TMEM121: variants seen among roughly 807,000 people sequenced by gnomAD.
The protein encoded by TMEM121 is transmembrane protein 121A.
Under a neutral mutation model 16.4 loss-of-function variants are expected in TMEM121, and 8 were observed. The observed-to-expected ratio is 0.49, with a 90% confidence interval of 0.29 to 0.88. TMEM121 has a LOEUF of 0.88. Among genes scored for constraint, TMEM121 ranks in the 40% least tolerant of loss-of-function variants. The pLI is 0.09. For synonymous variants in TMEM121, 235 were observed against 226.2 expected (o/e 1.04, Z -0.35); for missense variants, 401 against 462.0 (o/e 0.87, Z 1.21).
chr14:105,528,728 A>AG lies in TMEM121; in HGVS notation c.-106dup. ...TCTCCTCCGGTCTCCCCAGGTTTCG[A>AG]GCTCGCCGGGCCGTGTCGCGCCATG... On this transcript the variant is annotated 5_prime_UTR_variant, in exon 2 of 2. Coordinates refer to ENST00000392519, the MANE Select transcript of TMEM121 (RefSeq NM_025268.4). 9.1e-7 allele frequency: 1 copy of AG among 1,094,154 alleles called. No homozygotes were observed. The allele number at this position is 1,094,154 out of a possible 1,614,324, so 67.8% of individuals were successfully genotyped here.
In TMEM121 at chr14:105,529,539, C is replaced by T; in HGVS notation, c.705C>T (p.Ala235=). 7.1e-6 allele frequency: 11 copies of T among 1,543,198 alleles called. No homozygotes were observed. Among genetic ancestry groups the T allele is most frequent in the Non-Finnish European group, 8.7e-6 (10 of 1,147,184 alleles). The stretch of plus-strand genomic sequence containing the variant: ...TGGTGGCCGTGCTGGCGCGCGCCGC[C>T]AACATGGCGCTGTTCCGGGACAGCC... ...VNVVAVLARA[A]NMALFRDSRV... is the part of the protein sequence containing the mutation. The change falls in exon 2 of 2, where the codon GCC becomes GCT. Residue 235 remains alanine, a synonymous_variant. Coordinates refer to ENST00000392519, the MANE Select transcript of TMEM121 (RefSeq NM_025268.4).
In TMEM121 at chr14:105,529,095, G is replaced by A. The variant is rs2084614780; in HGVS notation, c.261G>A (p.Glu87=). 6.2e-7 allele frequency: 1 copy of A among 1,611,710 alleles called. No individual in the cohort carries two copies. Among genetic ancestry groups the A allele is most frequent in the East Asian group, 2.2e-5 (1 of 44,870 alleles). ...GGTTCCTTTACATCTTCGTGCTGGAGATCAAGCTCTACTTCATCTTCCAGA... is the reference window on the plus strand; with the variant it reads ...GGTTCCTTTACATCTTCGTGCTGGAAATCAAGCTCTACTTCATCTTCCAGA... The part of the protein sequence containing the change: ...ILWFLYIFVL[E]IKLYFIFQNY... The change falls in exon 2 of 2, where the codon GAG becomes GAA. Residue 87 remains glutamate (E), a synonymous_variant. Coordinates refer to ENST00000392519, the MANE Select transcript of TMEM121 (RefSeq NM_025268.4).
rs587649074 is a variant in TMEM121 at position 105,528,642 on chromosome 14, C to T, written c.-113-80C>T. 71 of 383,274 alleles carry T rather than the reference C, an allele frequency of 1.9e-4. No homozygotes were observed. The South Asian group carries it at 2.6e-3, about 14-fold the overall frequency. 23.7% of individuals were successfully genotyped at this position (383,274 alleles called of 1,614,324 possible). ...CGGAGACCGCGCCTGGTGGGAAGCACGCGGGGTGCGGGGGGCGGGGGGTGT... is the reference window on the plus strand; with the variant it reads ...CGGAGACCGCGCCTGGTGGGAAGCATGCGGGGTGCGGGGGGCGGGGGGTGT... On this transcript the variant is annotated intron_variant, in intron 1 of 1. Coordinates refer to ENST00000392519, the MANE Select transcript of TMEM121 (RefSeq NM_025268.4).
Position 105,529,819 on chromosome 14 carries a change from GC to G in TMEM121, c.*29del. Reference sequence around the variant, plus strand: ...ACAGGGCCCGCGCGGCCCCCGACACGCCCCTGGGGCGCAGAGACACCGGGTT... The same window carrying G: ...ACAGGGCCCGCGCGGCCCCCGACACGCCCTGGGGCGCAGAGACACCGGGTT... On this transcript the variant is annotated 3_prime_UTR_variant, in exon 2 of 2. Coordinates refer to ENST00000392519, the MANE Select transcript of TMEM121 (RefSeq NM_025268.4). The G allele has an allele frequency of 7.2e-7, 1 of 1,388,216 alleles. No individual in the cohort carries two copies. The highest frequency in any genetic ancestry group is 9.2e-7 in the Non-Finnish European group (1 of 1,081,306). 86.0% of individuals were successfully genotyped at this position (1,388,216 alleles called of 1,614,324 possible).
chr14:105,528,932 A>C lies in TMEM121; in HGVS notation c.98A>C (p.Asn33Thr). The C allele has an allele frequency of 6.3e-7, 1 of 1,597,952 alleles. No individual in the cohort carries two copies. The highest frequency in any genetic ancestry group is 8.5e-7 in the Non-Finnish European group (1 of 1,172,780). Reference protein sequence around the residue: ...AVMDAYLVEQNQGPRKIGVCI... With the variant: ...AVMDAYLVEQTQGPRKIGVCI... The stretch of plus-strand genomic sequence containing the variant: ...ATGGACGCGTACCTGGTGGAGCAGA[A>C]CCAGGGCCCGCGCAAGATCGGCGTG... Residue 33 changes from asparagine to threonine, a missense_variant, in exon 2 of 2, where the codon AAC becomes ACC. Physicochemically the swap from Asn to Thr is moderately conservative, Grantham distance 65. Coordinates refer to ENST00000392519, the MANE Select transcript of TMEM121 (RefSeq NM_025268.4).
chr14:105,529,201 G>T lies in TMEM121; in HGVS notation c.367G>T (p.Gly123Cys). Residue 123 changes from glycine to cysteine, a missense_variant, in exon 2 of 2, where the codon GGC becomes TGC. By Grantham distance (159) the Gly-to-Cys change is radical. Coordinates refer to ENST00000392519, the MANE Select transcript of TMEM121 (RefSeq NM_025268.4). ...LTLLLSVCVP[G>C]LFLLLVALDR... ...GCTGCTGCTGTCTGTGTGTGTGCCC[G>T]GCCTGTTCCTGCTGCTCGTGGCGCT... 6.3e-7 allele frequency: 1 copy of T among 1,582,280 alleles called. No individual in the cohort carries two copies.
At position 105,529,748 on chromosome 14, in the gene TMEM121, G is replaced by T; in HGVS notation, c.914G>T (p.Gly305Val). 6.6e-7 allele frequency: 1 copy of T among 1,505,440 alleles called. No homozygotes were observed. 93.3% of individuals were successfully genotyped at this position (1,505,440 alleles called of 1,614,324 possible). Residue 305 changes from glycine to valine, a missense_variant, in exon 2 of 2, where the codon GGG becomes GTG. Physicochemically the swap from Gly to Val is moderately radical, Grantham distance 109. Coordinates refer to ENST00000392519, the MANE Select transcript of TMEM121 (RefSeq NM_025268.4). ...PPPPPLHGPP[G>V]RPHMSSPTRD... is the part of the protein sequence containing the mutation. ...CCGCCGCCGCTGCACGGCCCGCCTG[G>T]GCGCCCCCACATGTCCTCGCCCACG...
rs1375859559 is a variant in TMEM121 at position 105,529,743 on chromosome 14, G to A, written c.909G>A (p.Pro303=). The change falls in exon 2 of 2, where the codon CCG becomes CCA. Residue 303 remains proline, a synonymous_variant. Transcript: ENST00000392519. ...VPPPPPPLHG[P]PGRPHMSSPT... ...CGCCGCCGCCGCCGCTGCACGGCCCGCCTGGGCGCCCCCACATGTCCTCGC... is the reference window on the plus strand; with the variant it reads ...CGCCGCCGCCGCCGCTGCACGGCCCACCTGGGCGCCCCCACATGTCCTCGC... 1.3e-6 allele frequency: 2 copies of A among 1,506,530 alleles called. No homozygotes were observed. The highest frequency in any genetic ancestry group is 1.4e-5 in the African/African-American group (1 of 71,090). The allele number at this position is 1,506,530 out of a possible 1,614,324, so 93.3% of individuals were successfully genotyped here.
intron 1 of TMEM121, among the ~76,000 whole-genome samples, chr14:105,528,250 G>C (rs2141831957): frequency 6.6e-6 from 1 of 151,896 alleles, no homozygotes; most frequent in Non-Finnish European, 1.5e-5. Context: ...AGCCTGGGAG[G>C]GCCGAGGCCT....
Position 105,529,794 on chromosome 14 carries a change from A to C in TMEM121, c.960A>C (p.Ter320CysextTer34). The stretch of plus-strand genomic sequence containing the variant: ...CCACGCGTGACCCCCTGGACACGTG[A>C]CAGGGCCCGCGCGGCCCCCGACACG... ...SSPTRDPLDT[*>C] The change falls in exon 2 of 2, where the codon TGA becomes TGC. Residue 320 changes from the stop codon to cysteine (C), a stop_lost. Coordinates refer to ENST00000392519, the MANE Select transcript of TMEM121 (RefSeq NM_025268.4). 1 of 1,424,768 alleles carries C rather than the reference A, an allele frequency of 7.0e-7. No homozygotes were observed. Among genetic ancestry groups the C allele is most frequent in the Non-Finnish European group, 9.1e-7 (1 of 1,101,740 alleles). 88.3% of individuals were successfully genotyped at this position (1,424,768 alleles called of 1,614,324 possible).
At chr14:105,527,953 C>A (rs1241751724) in intron 1 of TMEM121, among the ~76,000 whole-genome samples, 1 of 149,264 alleles carries the variant, frequency 6.7e-6, no homozygotes, top group East Asian at 1.9e-4. Flanking sequence ...GACGGGCTTC[C>A]CGAGATTCGA....
rs1361678771 is a variant in TMEM121, at chr14:105,529,879, G to C, written c.*85G>C. On this transcript the variant is annotated 3_prime_UTR_variant, in exon 2 of 2. Coordinates refer to ENST00000392519, the MANE Select transcript of TMEM121 (RefSeq NM_025268.4). ...GCGCGCGGTTTGCATGGGATGGGGT[G>C]GGGGCGGGCTCCCCTAGGGACAGGT... The C allele has an allele frequency of 2.6e-5, 34 of 1,286,294 alleles. No individual in the cohort carries two copies. Among genetic ancestry groups the C allele is most frequent in the Non-Finnish European group, 3.2e-5 (32 of 992,220 alleles). 79.7% of individuals were successfully genotyped at this position (1,286,294 alleles called of 1,614,324 possible).
At position 105,529,305 on chromosome 14, in the gene TMEM121, G is replaced by T; in HGVS notation, c.471G>T (p.Leu157=). 6.5e-7 allele frequency: 1 copy of T among 1,538,644 alleles called. No individual in the cohort carries two copies. The highest frequency in any genetic ancestry group is 8.7e-7 in the Non-Finnish European group (1 of 1,146,666). ...GCCTGTTTTGGGTGGCGCTGGACCT[G>T]CTGGACCTGCTGGACATGCAGGCCA... ...RGRLFWVALD[L]LDLLDMQASL... Residue 157 remains leucine (L), a synonymous_variant, in exon 2 of 2, where the codon CTG becomes CTT. Transcript: ENST00000392519.
At position 105,529,672 on chromosome 14, in the gene TMEM121, T is replaced by A. The variant is rs1555444331; in HGVS notation, c.838T>A (p.Ser280Thr). ...QVRDFPPPALSLELQPPPPQR... is the reference protein window; with the variant it reads ...QVRDFPPPALTLELQPPPPQR... ...GCGCGACTTCCCGCCGCCTGCGCTATCACTGGAGCTGCAGCCGCCACCCCC... is the reference window on the plus strand; with the variant it reads ...GCGCGACTTCCCGCCGCCTGCGCTAACACTGGAGCTGCAGCCGCCACCCCC... Residue 280 changes from serine (S) to threonine (T), a missense_variant, in exon 2 of 2, where the codon TCA (serine) becomes ACA (threonine). By Grantham distance (58) the Ser-to-Thr change is moderately conservative. Transcript: ENST00000392519. 6.4e-7 allele frequency: 1 copy of A among 1,564,690 alleles called. No individual in the cohort carries two copies. The highest frequency in any genetic ancestry group is 8.6e-7 in the Non-Finnish European group (1 of 1,163,868).
chr14:105,529,584 C>A lies in TMEM121; in HGVS notation c.750C>A (p.Val250=). Reference sequence around the variant, plus strand: ...ACAGCCGTGTCTCGGCCATCTTCGTCGGCAAAAACGTGGTGGCGCTCGCCA... The same window carrying A: ...ACAGCCGTGTCTCGGCCATCTTCGTAGGCAAAAACGTGGTGGCGCTCGCCA... ...FRDSRVSAIF[V]GKNVVALATK... The change falls in exon 2 of 2, where the codon GTC becomes GTA. Residue 250 remains valine, a synonymous_variant. Transcript: ENST00000392519. 6.4e-7 allele frequency: 1 copy of A among 1,566,258 alleles called. No homozygotes were observed. The highest frequency in any genetic ancestry group is 8.6e-7 in the Non-Finnish European group (1 of 1,163,426).
Position 105,530,023 on chromosome 14 carries a change from G to A in TMEM121, c.*229G>A. On this transcript the variant is annotated 3_prime_UTR_variant, in exon 2 of 2. Coordinates refer to ENST00000392519, the MANE Select transcript of TMEM121 (RefSeq NM_025268.4). ...CCCCAGCGCGTGGGTCTGTTTGGGA[G>A]GCCTGGGCCGGAGCAGAGCAGAGGT... 1 of 509,676 alleles carries A rather than the reference G, an allele frequency of 2.0e-6. No homozygotes were observed. The highest frequency in any genetic ancestry group is 3.4e-6 in the Non-Finnish European group (1 of 290,848). 31.6% of individuals were successfully genotyped at this position (509,676 alleles called of 1,614,324 possible).
At position 105,528,824 on chromosome 14, in the gene TMEM121, G is replaced by A. The variant is rs782437862; in HGVS notation, c.-11G>A. 36 of 1,473,702 alleles carry A rather than the reference G, an allele frequency of 2.4e-5. No individual in the cohort carries two copies. Among genetic ancestry groups the A allele is most frequent in the African/African-American group, 2.9e-5 (2 of 68,670 alleles). The allele number at this position is 1,473,702 out of a possible 1,614,324, so 91.3% of individuals were successfully genotyped here. A position where few individuals can be genotyped will look rare whatever the true frequency, so the allele number is the denominator to read the frequency against. On this transcript the variant is annotated 5_prime_UTR_variant, in exon 2 of 2. Transcript: ENST00000392519. ...GCCGCGCGCGCCCAGGCCGGGGCCC[G>A]GCGGCCGACCATGGTGCTGCCGCCC...
intron 1 of TMEM121, among the ~76,000 whole-genome samples, chr14:105,527,672 C>G (rs587759866): frequency 6.6e-6 from 1 of 151,854 alleles, no homozygotes; most frequent in Non-Finnish European, 1.5e-5. Flanking sequence ...GCAGTCCGAG[C>G]GCCCGACTGT....
At chr14:105,527,263 C>T (rs1395591667) in intron 1 of TMEM121, 2 of 152,214 alleles carry the variant, frequency 1.3e-5, no homozygotes, top group Admixed American at 6.5e-5. Context: ...GAGGCACGGC[C>T]GGAAAGGGTG....
Sources: allele counts gnomAD v4.1 joint callset (sites outside exome capture counted in the v4.1 genomes callset), GRCh38; gene constraint gnomAD v4.1.1; transcripts MANE v1.5; gene names NCBI Gene and HGNC (gene_info 2026-07-23, HGNC 2026-07-21).